MEF2A: variants seen among roughly 807,000 people sequenced by gnomAD.
MEF2A encodes myocyte enhancer factor 2A.
A neutral mutation model predicts 55.8 loss-of-function variants in MEF2A; 28 were observed. The ratio of observed to expected loss-of-function variants is 0.50; its 90% CI spans 0.37 to 0.69. MEF2A has a LOEUF of 0.69. MEF2A is among the 30% of genes least tolerant of loss of function. MEF2A has a pLI of 0.00. For synonymous variants in MEF2A, 239 were observed against 227.1 expected (o/e 1.05, Z -0.47); for missense variants, 528 against 626.2 (o/e 0.84, Z 1.67).
At chr15:99,600,404 A>G (rs1466774422) in intron 2 of MEF2A, among the ~76,000 whole-genome samples, 1 of 152,090 alleles carries the variant, frequency 6.6e-6, no homozygotes. Context: ...TTTTGAATAG[A>G]TTCGTATGTT....
intron 2 of MEF2A, among the ~76,000 whole-genome samples, chr15:99,627,503 A>G (rs778444933): frequency 7.4e-5 from 11 of 148,962 alleles, no homozygotes; most frequent in Admixed American, 3.3e-4. Context: ...GGCTTTATAT[A>G]TAGGCATACC....
At chr15:99,641,608 A>C (rs2044962171) in intron 3 of MEF2A, among the ~76,000 whole-genome samples, 1 of 152,208 alleles carries the variant, frequency 6.6e-6, no homozygotes, top group Non-Finnish European at 1.5e-5. Context: ...CTGTAGTCCC[A>C]GCTACTCGGG....
Position 99,710,681 on chromosome 15 carries a change from T to A in MEF2A, c.1057T>A (p.Ser353Thr). 6.2e-7 allele frequency: 1 copy of A among 1,613,676 alleles called. No individual in the cohort carries two copies. Among genetic ancestry groups the A allele is most frequent in the Admixed American group, 1.7e-5 (1 of 60,018 alleles). ...CCTGTCAGCCCTTCAAGGCTTCAAC[T>A]CGCCAGGAATGCTGTCGCTGGGACA... ...ADLSALQGFN[S>T]PGMLSLGQVS... is the part of the protein sequence containing the mutation. The change falls in exon 11 of 12, where the codon TCG becomes ACG. Residue 353 changes from serine (S) to threonine (T), a missense_variant. Ser to Thr is a moderately conservative substitution (Grantham distance 58). Coordinates refer to ENST00000557942, the MANE Select transcript of MEF2A (RefSeq NM_001319206.4).
At chr15:99,694,856 G>A (rs1437016236) in intron 8 of MEF2A, among the ~76,000 whole-genome samples, 1 of 151,996 alleles carries the variant, frequency 6.6e-6, no homozygotes, top group Non-Finnish European at 1.5e-5. Flanking sequence ...GGACTCGTGG[G>A]CATTTATTTT....
intron 4 of MEF2A, among the ~76,000 whole-genome samples, chr15:99,654,678 T>A (rs901462747): frequency 6.6e-6 from 1 of 152,140 alleles, no homozygotes; most frequent in Non-Finnish European, 1.5e-5. Context: ...CCTTTGCCCA[T>A]GCATCATTGT....
chr15:99,664,211 C>A (rs2049174460), intron 4 of MEF2A, among the ~76,000 whole-genome samples: 1 of 152,190 alleles, frequency 6.6e-6, no homozygotes, highest in South Asian at 2.1e-4. Context: ...GGATCACTAA[C>A]AGTTTTCTTC....
chr15:99,602,303 G>A (rs1973366351), intron 2 of MEF2A, among the ~76,000 whole-genome samples: 1 of 152,126 alleles, frequency 6.6e-6, no homozygotes, highest in Admixed American at 6.5e-5. Flanking sequence ...CTTCCCTTGG[G>A]GTGGGCTGTC....
intron 8 of MEF2A, among the ~76,000 whole-genome samples, chr15:99,691,038 A>G (rs561700192): frequency 9.2e-5 from 14 of 151,912 alleles, no homozygotes; most frequent in East Asian, 3.9e-4. Flanking sequence ...ATCATTACGC[A>G]TTCTATGAAT....
At chr15:99,576,522 C>A (rs933829764) in intron 1 of MEF2A, among the ~76,000 whole-genome samples, 4 of 151,954 alleles carry the variant, frequency 2.6e-5, no homozygotes, top group African/African-American at 9.7e-5. Flanking sequence ...TGAACTATTC[C>A]TGTATTTGTT....
rs965828464 is a variant in MEF2A, at chr15:99,671,760, A to G, written c.390+306A>G. ...AGTGGGTGATGACAACAATAAGTAG[A>G]AGGGAAGAAATGCATTTTATTAGTA... On this transcript the variant is annotated intron_variant, in intron 5 of 11. Transcript: ENST00000557942. The G allele has an allele frequency of 5.6e-5, 69 of 1,222,364 alleles. No homozygotes were observed. In the East Asian group the frequency reaches 5.8e-4, roughly 10 times the overall value. The allele number at this position is 1,222,364 out of a possible 1,614,324, so 75.7% of individuals were successfully genotyped here.
At chr15:99,672,406 C>G (rs2051064852) in intron 5 of MEF2A, among the ~76,000 whole-genome samples, 1 of 152,216 alleles carries the variant, frequency 6.6e-6, no homozygotes, top group Non-Finnish European at 1.5e-5. Flanking sequence ...AGCTCATGCT[C>G]CTAGACTTGA....
Position 99,712,634 on chromosome 15 carries a change from A to G in MEF2A, c.1381A>G (p.Ser461Gly), listed in dbSNP as rs761616362. 1 of 1,552,820 alleles carries G rather than the reference A, an allele frequency of 6.4e-7. No homozygotes were observed. The highest frequency in any genetic ancestry group is 8.7e-7 in the Non-Finnish European group (1 of 1,147,644). Residue 461 changes from serine (S) to glycine (G), a missense_variant, in exon 12 of 12, where the codon AGC (serine) becomes GGC (glycine). Transcript: ENST00000557942. The surrounding 1 kb of genome is among the most constrained non-coding windows in gnomAD (Gnocchi z 4.1). ...SPVDSLSSSSSSYDGSDREDP... is the reference protein window; with the variant it reads ...SPVDSLSSSSGSYDGSDREDP... ...TGTGGACAGTCTGAGCAGCTCTAGT[A>G]GCTCCTATGATGGCAGTGATCGGGA...
chr15:99,606,199 A>G (rs983148169), intron 2 of MEF2A, among the ~76,000 whole-genome samples: 2 of 152,180 alleles, frequency 1.3e-5, no homozygotes, highest in Non-Finnish European at 1.5e-5. Context: ...GATAATCTGT[A>G]TGGAAAGAAA....
At chr15:99,678,414 T>G (rs2052540289) in intron 7 of MEF2A, among the ~76,000 whole-genome samples, 1 of 152,240 alleles carries the variant, frequency 6.6e-6, no homozygotes, top group Non-Finnish European at 1.5e-5. Flanking sequence ...TCTACTTGTT[T>G]TAAATACGTT....
chr15:99,638,628 C>G (rs2044321703), intron 3 of MEF2A, among the ~76,000 whole-genome samples: 1 of 152,042 alleles, frequency 6.6e-6, no homozygotes, highest in Non-Finnish European at 1.5e-5. Context: ...AGTTTCAATT[C>G]TAGAATTTTT....
chr15:99,652,248 C>T (rs955693394), intron 4 of MEF2A, among the ~76,000 whole-genome samples: 2 of 152,074 alleles, frequency 1.3e-5, no homozygotes, highest in Non-Finnish European at 2.9e-5. Flanking sequence ...ATTGTTCCAC[C>T]TCAGATCATC....
At chr15:99,700,211 C>T in intron 8 of MEF2A, among the ~76,000 whole-genome samples, 1 of 140,918 alleles carries the variant, frequency 7.1e-6, no homozygotes, top group East Asian at 2.2e-4. Context: ...CACACACACA[C>T]ACATATGTAC....
At chr15:99,698,408 G>GA (rs2056836186) in intron 8 of MEF2A, among the ~76,000 whole-genome samples, 1 of 152,158 alleles carries the variant, frequency 6.6e-6, no homozygotes, top group African/African-American at 2.4e-5. Flanking sequence ...ATAAGTGTAT[G>GA]AAAATATGCT....
At chr15:99,679,043 C>T (rs1025730518) in intron 7 of MEF2A, among the ~76,000 whole-genome samples, 1 of 152,156 alleles carries the variant, frequency 6.6e-6, no homozygotes, top group Non-Finnish European at 1.5e-5. Flanking sequence ...AGAGAGAACA[C>T]TGCACACCCA....
Sources: allele counts gnomAD v4.1 joint callset (sites outside exome capture counted in the v4.1 genomes callset), GRCh38; gene constraint gnomAD v4.1.1; non-coding constraint Gnocchi (gnomAD v3.1); transcripts MANE v1.5; gene names NCBI Gene and HGNC (gene_info 2026-07-23, HGNC 2026-07-21).